The following ARSB variants were observed in gnomAD, a reference collection of about 807,000 sequenced individuals.
ARSB encodes the protein arylsulfatase B, also known as N-acetylgalactosamine-4-sulfatase.
Under a neutral mutation model 50.9 loss-of-function variants are expected in ARSB, and 41 were observed. That is an observed-to-expected ratio of 0.81 (90% confidence interval 0.63 to 1.04). ARSB has a LOEUF of 1.04. ARSB is among the 50% of genes least tolerant of loss of function. The probability of loss-of-function intolerance (pLI) is 0.00; values close to 1 mark genes in which losing one functional copy is unlikely to be tolerated. For synonymous variants in ARSB, 269 were observed against 284.8 expected, an observed-to-expected ratio of 0.94 and a Z score of 0.56; for missense variants, 672 against 693.3, an observed-to-expected ratio of 0.97 and a Z score of 0.35.
chr5:78,822,650 T>G (rs944678057), intron 6 of ARSB, among the ~76,000 whole-genome samples: 1 of 152,206 alleles, frequency 6.6e-6, no homozygotes, highest in South Asian at 2.1e-4. Context: ...CGTTTGTTTG[T>G]TTTTTGAGAC....
At chr5:78,913,489 CTT>C (rs1365578907) in intron 4 of ARSB, among the ~76,000 whole-genome samples, 1 of 152,166 alleles carries the variant, frequency 6.6e-6, no homozygotes, top group Non-Finnish European at 1.5e-5. Flanking sequence ...GTGAGGTAGA[CTT>C]TCTATTTTTC....
At chr5:78,785,175 T>C (rs1749044259) in intron 6 of ARSB, among the ~76,000 whole-genome samples, 5 of 152,252 alleles carry the variant, frequency 3.3e-5, no homozygotes, top group Admixed American at 1.3e-4. Flanking sequence ...TTCTATTTCA[T>C]TAACTTCTTT....
intron 5 of ARSB, among the ~76,000 whole-genome samples, chr5:78,871,518 T>A (rs977201221): frequency 6.6e-6 from 1 of 150,580 alleles, no homozygotes; most frequent in African/African-American, 2.4e-5. Context: ...GCCGCTTACC[T>A]ACAACTATCT....
At chr5:78,791,589 G>A (rs1055741939) in intron 6 of ARSB, among the ~76,000 whole-genome samples, 6 of 152,204 alleles carry the variant, frequency 3.9e-5, no homozygotes, top group African/African-American at 1.4e-4. Flanking sequence ...TGCACATGTG[G>A]CTCAAATCTC....
At chr5:78,873,656 C>T (rs953710439) in intron 5 of ARSB, among the ~76,000 whole-genome samples, 9 of 150,516 alleles carry the variant, frequency 6.0e-5, no homozygotes, top group Non-Finnish European at 4.4e-5. Context: ...CCACTACGCC[C>T]GGCTAATTTT....
chr5:78,871,364 C>T (rs1747164118), intron 5 of ARSB, among the ~76,000 whole-genome samples: 1 of 151,778 alleles, frequency 6.6e-6, no homozygotes, highest in African/African-American at 2.4e-5. Context: ...CCAAGTCAAT[C>T]CTAAGCCAAA....
At chr5:78,985,480 T>G, upstream of ARSB, 1 of 301,952 alleles carries the variant, frequency 3.3e-6, no homozygotes, top group Non-Finnish European at 6.0e-6. Flanking sequence ...GCTGCCCGGC[T>G]TCTTGGAAAC....
chr5:78,944,033 T>C (rs1445055686), intron 4 of ARSB, among the ~76,000 whole-genome samples: 1 of 152,250 alleles, frequency 6.6e-6, no homozygotes, highest in Non-Finnish European at 1.5e-5. Context: ...TCATTTGATC[T>C]TGAATCACTG....
In ARSB at chr5:78,985,255, C is replaced by T; in HGVS notation, c.-7G>A. On this transcript the variant is annotated 5_prime_UTR_variant, in exon 1 of 8. Transcript: ENST00000264914. ...CCGCGCCGCGCGGACCCATCCTTGTCCGCCCGCGGTCCCAGCGCCTGTGGC... is the reference window on the plus strand; with the variant it reads ...CCGCGCCGCGCGGACCCATCCTTGTTCGCCCGCGGTCCCAGCGCCTGTGGC... 1 of 1,304,972 alleles carries T rather than the reference C, an allele frequency of 7.7e-7. No individual in the cohort carries two copies. The highest frequency in any genetic ancestry group is 2.3e-5 in the South Asian group (1 of 44,004). 80.8% of individuals were successfully genotyped at this position (1,304,972 alleles called of 1,614,324 possible). A position where few individuals can be genotyped will look rare whatever the true frequency, so the allele number is the denominator to read the frequency against.
At chr5:78,800,709 C>G (rs1743357254) in intron 6 of ARSB, among the ~76,000 whole-genome samples, 1 of 152,034 alleles carries the variant, frequency 6.6e-6, no homozygotes, top group South Asian at 2.1e-4. Flanking sequence ...GAATAAATGT[C>G]AATAAAAGGC....
At chr5:78,864,230 A>T (rs2112113608) in intron 5 of ARSB, among the ~76,000 whole-genome samples, 1 of 152,278 alleles carries the variant, frequency 6.6e-6, no homozygotes, top group Admixed American at 6.5e-5. Flanking sequence ...CCAAGACTGG[A>T]CAATTTACAA....
chr5:78,875,654 T>A (rs2112172092), intron 5 of ARSB, among the ~76,000 whole-genome samples: 1 of 150,326 alleles, frequency 6.7e-6, no homozygotes, highest in African/African-American at 2.5e-5. Flanking sequence ...TTTTTAACAA[T>A]AATTATTTAT....
chr5:78,924,420 C>T (rs1011137631), intron 4 of ARSB, among the ~76,000 whole-genome samples: 2 of 152,186 alleles, frequency 1.3e-5, no homozygotes, highest in African/African-American at 4.8e-5. Context: ...CTAAACCTGC[C>T]ATGTCTACTT....
chr5:78,945,143 T>C (rs1054309346), intron 4 of ARSB, among the ~76,000 whole-genome samples: 1 of 152,168 alleles, frequency 6.6e-6, no homozygotes, highest in African/African-American at 2.4e-5. Context: ...AGTATTAGGG[T>C]GGGAGTGACC....
intron 1 of ARSB, among the ~76,000 whole-genome samples, chr5:78,982,659 G>C (rs1752959045): frequency 6.6e-6 from 1 of 152,202 alleles, no homozygotes; most frequent in Non-Finnish European, 1.5e-5. Flanking sequence ...GAGTTGTTGT[G>C]AGAATCAAAT....
chr5:78,908,104 T>C (rs1460164545), intron 4 of ARSB, among the ~76,000 whole-genome samples: 1 of 152,128 alleles, frequency 6.6e-6, no homozygotes, highest in Non-Finnish European at 1.5e-5. Flanking sequence ...GCTGGGGTCT[T>C]GATTTTCTTT....
At chr5:78,809,784 C>T (rs911229553) in intron 6 of ARSB, among the ~76,000 whole-genome samples, 2 of 152,280 alleles carry the variant, frequency 1.3e-5, no homozygotes, top group Middle Eastern at 3.2e-3. Context: ...GCCTTGCCCT[C>T]TCCACTGCGG....
intron 4 of ARSB, among the ~76,000 whole-genome samples, chr5:78,939,454 C>G (rs1750792946): frequency 1.3e-5 from 2 of 151,982 alleles, no homozygotes; most frequent in Non-Finnish European, 2.9e-5. Flanking sequence ...CACAACAGGC[C>G]CCGGTGTGTG....
chr5:78,879,323 A>T (rs3098700), intron 5 of ARSB, among the ~76,000 whole-genome samples: 128,283 of 152,024 alleles, frequency 0.84, 56,560 homozygotes, highest in Non-Finnish European at 0.97. Flanking sequence ...AATTGGAAAG[A>T]GCTTAGAGAA....
Sources: allele counts gnomAD v4.1 joint callset (sites outside exome capture counted in the v4.1 genomes callset), GRCh38; gene constraint gnomAD v4.1.1; transcripts MANE v1.5; gene names NCBI Gene and HGNC (gene_info 2026-07-23, HGNC 2026-07-21).